CPED1: variants seen among roughly 807,000 people sequenced by gnomAD.
CPED1 encodes the protein cadherin-like and PC-esterase domain-containing protein 1.
Under a neutral mutation model 128.2 loss-of-function variants are expected in CPED1, and 114 were observed. The observed-to-expected ratio is 0.89, with a 90% CI of 0.76 to 1.04. The LOEUF (loss-of-function observed/expected upper bound fraction) is 1.04, where lower values mean the gene tolerates loss of function less well. Among genes scored for constraint, CPED1 ranks in the 50% least tolerant of loss-of-function variants. The probability of loss-of-function intolerance (pLI) is 0.00; values close to 1 mark genes in which losing one functional copy is unlikely to be tolerated. For synonymous variants in CPED1, 462 were observed against 426.7 expected (o/e 1.08, Z -1.02); for missense variants, 1,211 against 1,207.1 (o/e 1.00, Z -0.05).
chr7:121,229,726 C>T (rs922001934), intron 16 of CPED1, among the ~76,000 whole-genome samples: 3 of 151,964 alleles, frequency 2.0e-5, no homozygotes, highest in African/African-American at 7.2e-5. Context: ...TTCCCTAACA[C>T]AATATTTGTG....
chr7:121,029,289 A>G (rs1462670384), intron 3 of CPED1, among the ~76,000 whole-genome samples: 1 of 152,148 alleles, frequency 6.6e-6, no homozygotes, highest in African/African-American at 2.4e-5. Context: ...TCAAAATTCT[A>G]TCTGAAAAGG....
At chr7:121,252,244 G>C (rs1011733793) in intron 18 of CPED1, among the ~76,000 whole-genome samples, 1 of 151,656 alleles carries the variant, frequency 6.6e-6, no homozygotes, top group African/African-American at 2.4e-5. Context: ...ATGATACTGG[G>C]AAAACTGGCT....
At chr7:121,276,461 T>TAAAC (rs577254397) in intron 22 of CPED1, among the ~76,000 whole-genome samples, 34 of 152,132 alleles carry the variant, frequency 2.2e-4, no homozygotes, top group Non-Finnish European at 4.4e-4. Context: ...GTTCTTGAAC[T>TAAAC]AAACAGTAGT....
chr7:121,045,728 A>G (rs967219062), intron 3 of CPED1, among the ~76,000 whole-genome samples: 10 of 152,202 alleles, frequency 6.6e-5, no homozygotes, highest in African/African-American at 2.4e-4. Context: ...GAGAGAATGT[A>G]TACAGAAATT....
intron 18 of CPED1, among the ~76,000 whole-genome samples, chr7:121,246,604 T>A (rs1798540594): frequency 6.6e-6 from 1 of 152,240 alleles, no homozygotes. Context: ...TATCTAAACG[T>A]AATGACCTCC....
At chr7:121,106,110 G>A (rs889577978) in intron 7 of CPED1, among the ~76,000 whole-genome samples, 8 of 151,942 alleles carry the variant, frequency 5.3e-5, no homozygotes, top group Non-Finnish European at 2.9e-5. Flanking sequence ...TTTAATTAAA[G>A]GTACCTCATT....
chr7:121,274,577 G>A (rs1792297050), intron 22 of CPED1, among the ~76,000 whole-genome samples: 1 of 152,060 alleles, frequency 6.6e-6, no homozygotes, highest in Non-Finnish European at 1.5e-5. Flanking sequence ...TGCTGTTCCA[G>A]TCACAACATA....
intron 5 of CPED1, among the ~76,000 whole-genome samples, chr7:121,072,691 A>G (rs1021808110): frequency 6.6e-6 from 1 of 152,172 alleles, no homozygotes; most frequent in Admixed American, 6.5e-5. Flanking sequence ...CTGTCAGTCA[A>G]CCATAGGATT....
At chr7:121,262,222 G>A (rs1325434090) in intron 18 of CPED1, among the ~76,000 whole-genome samples, 1 of 151,976 alleles carries the variant, frequency 6.6e-6, no homozygotes, top group Admixed American at 6.6e-5. Flanking sequence ...ACCAGGACTC[G>A]AGCAGATGCT....
chr7:121,244,365 C>G (rs765561553), intron 18 of CPED1, 27 bp downstream of exon 18: 9 of 1,612,888 alleles, frequency 5.6e-6, no homozygotes, highest in Non-Finnish European at 7.6e-6. Flanking sequence ...GTGGGGGAAG[C>G]CTTTAATGTA....
intron 7 of CPED1, among the ~76,000 whole-genome samples, chr7:121,105,122 A>C (rs1794942609): frequency 1.3e-5 from 2 of 152,106 alleles, no homozygotes; most frequent in Non-Finnish European, 2.9e-5. Context: ...CAATACAATC[A>C]GCAAATGTGC....
intron 22 of CPED1, 96 bp downstream of exon 22, chr7:121,271,526 C>A: frequency 8.0e-7 from 1 of 1,245,986 alleles, no homozygotes; most frequent in Middle Eastern, 2.0e-4. Flanking sequence ...TTGCATGAAA[C>A]AAAAAACAAT....
chr7:121,156,597 T>C (rs1450882261), intron 16 of CPED1, among the ~76,000 whole-genome samples: 35 of 152,068 alleles, frequency 2.3e-4, no homozygotes. Flanking sequence ...GAAAGACAAA[T>C]GTTGCATGTT....
chr7:121,291,972 T>A (rs1259690566), intron 22 of CPED1, among the ~76,000 whole-genome samples: 5 of 152,120 alleles, frequency 3.3e-5, no homozygotes, highest in Admixed American at 3.3e-4. Flanking sequence ...TCAGATACAT[T>A]CCATCAATGC....
At chr7:121,283,953 A>G (rs954633840) in intron 22 of CPED1, among the ~76,000 whole-genome samples, 1 of 152,180 alleles carries the variant, frequency 6.6e-6, no homozygotes, top group African/African-American at 2.4e-5. Flanking sequence ...AGTTACTTAT[A>G]GTTGCTCACA....
chr7:121,130,607 CAG>C (rs1232486281), intron 12 of CPED1, among the ~76,000 whole-genome samples: 1 of 151,962 alleles, frequency 6.6e-6, no homozygotes, highest in Non-Finnish European at 1.5e-5. Context: ...GGGTATCAGA[CAG>C]AAGTAATTAG....
At chr7:121,147,088 C>A (rs1440086743) in intron 16 of CPED1, among the ~76,000 whole-genome samples, 1 of 152,082 alleles carries the variant, frequency 6.6e-6, no homozygotes, top group Non-Finnish European at 1.5e-5. Flanking sequence ...CAAAGTCAAC[C>A]CTGATTGAGA....
intron 2 of CPED1, among the ~76,000 whole-genome samples, chr7:121,010,259 T>G (rs973536563): frequency 6.6e-6 from 1 of 152,158 alleles, no homozygotes; most frequent in African/African-American, 2.4e-5. Context: ...TTTTAATTTT[T>G]AAAAATTTTC....
At chr7:121,237,063 G>A (rs1442589342) in intron 17 of CPED1, among the ~76,000 whole-genome samples, 3 of 152,080 alleles carry the variant, frequency 2.0e-5, no homozygotes, top group Non-Finnish European at 2.9e-5. Flanking sequence ...TTCATCTGCA[G>A]ATATGTTACC....
Sources: allele counts gnomAD v4.1 joint callset (sites outside exome capture counted in the v4.1 genomes callset), GRCh38; gene constraint gnomAD v4.1.1; transcripts MANE v1.5; gene names NCBI Gene and HGNC (gene_info 2026-07-23, HGNC 2026-07-21).